The following SPAG16 variants were observed in gnomAD, a reference collection of about 807,000 sequenced individuals.
SPAG16 encodes the protein sperm associated antigen 16.
SPAG16 carries 86 observed loss-of-function variants against 80.4 expected under a neutral mutation model. That is an observed-to-expected ratio of 1.07 (90% confidence interval 0.90 to 1.28). The LOEUF is 1.28. Ranked by LOEUF, SPAG16 falls within the 50% of genes most tolerant of loss-of-function variation. The probability of loss-of-function intolerance (pLI) is 0.00; values close to 1 mark genes in which losing one functional copy is unlikely to be tolerated. For synonymous variants in SPAG16, 294 were observed against 265.9 expected, an observed-to-expected ratio of 1.11 and a Z score of -1.03; for missense variants, 870 against 765.3, an observed-to-expected ratio of 1.14 and a Z score of -1.61.
At chr2:214,095,385 T>C (rs987155432) in intron 13 of SPAG16, among the ~76,000 whole-genome samples, 2 of 152,076 alleles carry the variant, frequency 1.3e-5, no homozygotes, top group African/African-American at 4.8e-5. Flanking sequence ...TTCAAATTAA[T>C]CACACGTGTC....
chr2:214,372,289 T>C (rs980090023), intron 15 of SPAG16, among the ~76,000 whole-genome samples: 1 of 152,190 alleles, frequency 6.6e-6, no homozygotes, highest in Non-Finnish European at 1.5e-5. Context: ...CTATTTCCTT[T>C]CCATGGCCAA....
At chr2:214,219,605 G>A (rs1213841884) in intron 15 of SPAG16, among the ~76,000 whole-genome samples, 1 of 152,032 alleles carries the variant, frequency 6.6e-6, no homozygotes, top group Non-Finnish European at 1.5e-5. Flanking sequence ...AATTTATTGA[G>A]TACCTGCTCT....
At chr2:213,637,811 G>T (rs1317469296) in intron 10 of SPAG16, among the ~76,000 whole-genome samples, 2 of 152,194 alleles carry the variant, frequency 1.3e-5, no homozygotes, top group Admixed American at 1.3e-4. Flanking sequence ...AGGCTGGAGT[G>T]TAGTGGCTAA....
At chr2:213,386,794 C>T (rs965787135) in intron 9 of SPAG16, among the ~76,000 whole-genome samples, 1 of 152,040 alleles carries the variant, frequency 6.6e-6, no homozygotes, top group African/African-American at 2.4e-5. Context: ...AGTTTTTTAG[C>T]CAATCAGTGG....
intron 15 of SPAG16, among the ~76,000 whole-genome samples, chr2:214,335,491 T>G (rs1005104430): frequency 1.3e-5 from 2 of 151,686 alleles, no homozygotes; most frequent in Non-Finnish European, 1.5e-5. Flanking sequence ...TATAGATATA[T>G]ATATAATTTC....
At chr2:213,649,577 T>G (rs924767231) in intron 10 of SPAG16, among the ~76,000 whole-genome samples, 3 of 152,182 alleles carry the variant, frequency 2.0e-5, no homozygotes, top group Non-Finnish European at 4.4e-5. Context: ...TACTTTATTT[T>G]GTTTATTTAT....
At chr2:213,633,156 G>T (rs1234684813) in intron 10 of SPAG16, among the ~76,000 whole-genome samples, 3 of 152,028 alleles carry the variant, frequency 2.0e-5, no homozygotes, top group African/African-American at 7.2e-5. Context: ...ACTTGTTATT[G>T]GTCAGTTCAG....
intron 11 of SPAG16, among the ~76,000 whole-genome samples, chr2:213,872,940 T>C (rs954559577): frequency 6.6e-6 from 1 of 151,374 alleles, no homozygotes; most frequent in African/African-American, 2.4e-5. Context: ...TAGTTGCTTA[T>C]GATATACAGT....
intron 10 of SPAG16, among the ~76,000 whole-genome samples, chr2:213,539,289 C>T (rs540023726): frequency 1.4e-4 from 22 of 152,118 alleles, no homozygotes; most frequent in Non-Finnish European, 3.1e-4. Context: ...AATGTGATAC[C>T]GCCCCTCATG....
chr2:213,911,853 TACAC>T lies in SPAG16; in HGVS notation c.1215-18102_1215-18099del, dbSNP rs1575530437. On this transcript the variant is annotated intron_variant, in intron 11 of 15. Coordinates refer to ENST00000331683, the MANE Select transcript of SPAG16 (RefSeq NM_024532.5). ...CAGTTAGCAAAAAAAAAAAAAAAAATACACACACGCACACATATATGTATGATAA... is the reference window on the plus strand; with the variant it reads ...CAGTTAGCAAAAAAAAAAAAAAAAATACACGCACACATATATGTATGATAA... Among the ~76,000 whole-genome samples the T allele has an allele frequency of 7.8e-5, 8 of 102,976 alleles. No individual in the cohort carries two copies. In the South Asian group the frequency reaches 2.4e-3, roughly 31 times the overall value. The allele number at this position is 102,976 out of a possible 152,430, so 67.6% of individuals were successfully genotyped here.
intron 10 of SPAG16, among the ~76,000 whole-genome samples, chr2:213,858,898 C>A (rs567159768): frequency 1.3e-5 from 2 of 151,772 alleles, no homozygotes; most frequent in Non-Finnish European, 2.9e-5. Context: ...AATAAAAAGT[C>A]CGCCAGGTGC....
intron 5 of SPAG16, among the ~76,000 whole-genome samples, chr2:213,330,364 G>A (rs956480673): frequency 7.9e-5 from 12 of 152,204 alleles, no homozygotes; most frequent in African/African-American, 2.9e-4. Context: ...GACCACAGGA[G>A]CCTACCTCTT....
intron 15 of SPAG16, among the ~76,000 whole-genome samples, chr2:214,277,677 A>G (rs1451505579): frequency 6.6e-6 from 1 of 152,206 alleles, no homozygotes; most frequent in African/African-American, 2.4e-5. Context: ...TTCTTCTGGA[A>G]GCTTCATCCC....
At position 213,351,016 on chromosome 2, in the gene SPAG16, C is replaced by T. The variant is rs1480137221; in HGVS notation, c.762+371C>T. 4.0e-5 allele frequency among the ~76,000 whole-genome samples: 6 copies of T among 151,396 alleles called. No homozygotes were observed. The East Asian group carries it at 1.2e-3, about 29-fold the overall frequency. On this transcript the variant is annotated intron_variant, in intron 7 of 15. Transcript: ENST00000331683. The stretch of plus-strand genomic sequence containing the variant: ...AAATAGCCGGGTGTGGTGGCACAGG[C>T]CTGTAATCCCTGCTACGTGGGAGGC...
chr2:213,477,292 A>G (rs1435896581), intron 9 of SPAG16, among the ~76,000 whole-genome samples: 1 of 152,128 alleles, frequency 6.6e-6, no homozygotes, highest in Non-Finnish European at 1.5e-5. Context: ...TCCTGTATCT[A>G]TCAATGGGGC....
At chr2:213,462,817 A>G (rs1317736495) in intron 9 of SPAG16, among the ~76,000 whole-genome samples, 2 of 152,170 alleles carry the variant, frequency 1.3e-5, no homozygotes, top group African/African-American at 2.4e-5. Flanking sequence ...CTTCATAGCA[A>G]TGTGAGAATG....
chr2:213,704,556 T>G (rs534073723), intron 10 of SPAG16, among the ~76,000 whole-genome samples: 2 of 152,202 alleles, frequency 1.3e-5, no homozygotes, highest in Admixed American at 6.5e-5. Flanking sequence ...TTTGTTGGAG[T>G]AGGCACCCCA....
At chr2:213,714,767 C>T (rs182087705) in intron 10 of SPAG16, among the ~76,000 whole-genome samples, 30 of 152,142 alleles carry the variant, frequency 2.0e-4, no homozygotes, top group African/African-American at 6.5e-4. Context: ...AATGACTTGC[C>T]CAATTTTATT....
At chr2:213,861,109 T>A (rs189808628) in intron 10 of SPAG16, among the ~76,000 whole-genome samples, 1 of 152,336 alleles carries the variant, frequency 6.6e-6, no homozygotes, top group Admixed American at 6.5e-5. Flanking sequence ...CCACTGTGTT[T>A]ATTTTGAGCA....
Sources: gnomAD v4.1 joint callset for allele counts (sites outside exome capture counted in the v4.1 genomes callset) on GRCh38, gnomAD v4.1.1 for gene constraint, MANE v1.5 for transcripts, NCBI Gene and HGNC (gene_info 2026-07-23, HGNC 2026-07-21) for gene names.